AGBL1: variants seen among roughly 807,000 people sequenced by gnomAD.
AGBL1 encodes the protein cytosolic carboxypeptidase 4.
In AGBL1, 130 loss-of-function variants were observed where a neutral mutation model predicts 118.9. The observed-to-expected ratio is 1.09, with a 90% CI of 0.95 to 1.26. The LOEUF (loss-of-function observed/expected upper bound fraction) is 1.26. Among genes scored for constraint, AGBL1 ranks in the 50% most tolerant of loss-of-function variants. The pLI, the probability that AGBL1 is intolerant of heterozygous loss-of-function variation, is 0.00. For missense variants in AGBL1, 1,584 were observed against 1,298.1 expected (o/e 1.22, Z -3.38); for synonymous variants, 555 against 478.9 (o/e 1.16, Z -2.08).
chr15:86,524,599 C>T (rs1567039590), intron 19 of AGBL1, among the ~76,000 whole-genome samples: 3 of 152,168 alleles, frequency 2.0e-5, no homozygotes, highest in Admixed American at 6.5e-5. Flanking sequence ...CTTAGTTACT[C>T]TGTCTCCCAT....
At chr15:86,141,319 A>G (rs1399010639) in intron 1 of AGBL1, among the ~76,000 whole-genome samples, 1 of 152,210 alleles carries the variant, frequency 6.6e-6, no homozygotes, top group Non-Finnish European at 1.5e-5. Context: ...TCTTTTCGTC[A>G]GAACATTTTA....
chr15:86,526,573 T>TATATATATACAC, intron 19 of AGBL1, among the ~76,000 whole-genome samples: 1 of 117,600 alleles, frequency 8.5e-6, no homozygotes, highest in East Asian at 2.5e-4. Context: ...TATATATATA[T>TATATATATACAC]ACACACAGAG....
chr15:86,361,384 A>G (rs1402540437), intron 17 of AGBL1, among the ~76,000 whole-genome samples: 3 of 152,030 alleles, frequency 2.0e-5, no homozygotes, highest in Non-Finnish European at 2.9e-5. Context: ...ATCCTGGAAA[A>G]TGTTCTATGT....
intron 24 of AGBL1, among the ~76,000 whole-genome samples, chr15:87,024,406 C>A (rs2081703031): frequency 6.6e-6 from 1 of 152,016 alleles, no homozygotes. Context: ...TGGAAAGATA[C>A]AACTCTCCTA....
intron 21 of AGBL1, among the ~76,000 whole-genome samples, chr15:86,636,752 TATATATACAC>T (rs1304325667): frequency 2.2e-4 from 13 of 60,398 alleles, no homozygotes; most frequent in African/African-American, 1.3e-3. Context: ...TATATATATA[TATATATACAC>T]ATACATACAG....
chr15:86,799,903 A>T (rs529063454), intron 22 of AGBL1, among the ~76,000 whole-genome samples: 7 of 152,290 alleles, frequency 4.6e-5, no homozygotes, highest in Middle Eastern at 3.4e-3. Context: ...AGATTGGAAA[A>T]TTAAGGCTCC....
intron 22 of AGBL1, among the ~76,000 whole-genome samples, chr15:86,832,072 C>T (rs2079112313): frequency 6.6e-6 from 1 of 152,242 alleles, no homozygotes; most frequent in South Asian, 2.1e-4. Context: ...TATGTCGGCC[C>T]CTTTTAACCA....
At chr15:86,731,134 T>C (rs1033131265) in intron 22 of AGBL1, among the ~76,000 whole-genome samples, 1 of 152,182 alleles carries the variant, frequency 6.6e-6, no homozygotes, top group Non-Finnish European at 1.5e-5. Flanking sequence ...CCCGGCCTTA[T>C]ATATAAACAA....
intron 18 of AGBL1, among the ~76,000 whole-genome samples, chr15:86,513,645 T>C (rs1333564437): frequency 6.6e-6 from 1 of 152,070 alleles, no homozygotes; most frequent in Non-Finnish European, 1.5e-5. Context: ...CTGTGATGTT[T>C]GTCAAATGAT....
chr15:86,895,952 G>C (rs577689435), intron 22 of AGBL1, among the ~76,000 whole-genome samples: 1 of 151,680 alleles, frequency 6.6e-6, no homozygotes, highest in African/African-American at 2.4e-5. Context: ...CTTTCAACTG[G>C]TATCTTTTTA....
intron 23 of AGBL1, among the ~76,000 whole-genome samples, chr15:86,969,151 C>T (rs1320988254): frequency 6.6e-6 from 1 of 151,898 alleles, no homozygotes; most frequent in Non-Finnish European, 1.5e-5. Flanking sequence ...AGCATCAACT[C>T]AAAATTTAAA....
At chr15:86,349,100 A>G (rs2080585375) in intron 17 of AGBL1, among the ~76,000 whole-genome samples, 2 of 152,206 alleles carry the variant, frequency 1.3e-5, no homozygotes, top group Non-Finnish European at 2.9e-5. Flanking sequence ...AAAGCATGCC[A>G]AAGGTTGCCA....
At chr15:86,368,583 A>G (rs2080925937) in intron 17 of AGBL1, among the ~76,000 whole-genome samples, 1 of 152,218 alleles carries the variant, frequency 6.6e-6, no homozygotes, top group South Asian at 2.1e-4. Flanking sequence ...TAAATGGGAT[A>G]AATTTAATCC....
chr15:86,276,002 A>G lies in AGBL1; in HGVS notation c.2076-3637A>G, dbSNP rs184214801. Among the ~76,000 whole-genome samples the G allele has an allele frequency of 2.0e-5, 3 of 152,350 alleles. No homozygotes were observed. In the East Asian group the frequency reaches 5.8e-4, roughly 29 times the overall value. ...AAATAACATGAGATAAAACACGTGT[A>G]AAGGTTAGAACAGTGTCTAGTGCAT... On this transcript the variant is annotated intron_variant, in intron 15 of 22. Coordinates refer to ENST00000614907, the MANE Select transcript of AGBL1 (RefSeq NM_001386094.1).
chr15:86,419,802 A>G (rs1028117100), intron 18 of AGBL1, among the ~76,000 whole-genome samples: 3 of 152,004 alleles, frequency 2.0e-5, no homozygotes, highest in African/African-American at 7.2e-5. Context: ...CATTACTGAG[A>G]CTGGAGTAGG....
At chr15:86,469,927 C>G (rs1484872989) in intron 18 of AGBL1, among the ~76,000 whole-genome samples, 1 of 151,934 alleles carries the variant, frequency 6.6e-6, no homozygotes, top group Non-Finnish European at 1.5e-5. Flanking sequence ...AATCAGGTTA[C>G]TTGTTTCTTG....
intron 21 of AGBL1, among the ~76,000 whole-genome samples, chr15:86,593,330 C>G (rs1000599013): frequency 6.8e-6 from 1 of 148,086 alleles, no homozygotes; most frequent in East Asian, 2.0e-4. Flanking sequence ...AACTTAGAAA[C>G]CAAGATCTGT....
At chr15:86,371,605 ATG>A (rs2141943947) in intron 17 of AGBL1, among the ~76,000 whole-genome samples, 1 of 152,240 alleles carries the variant, frequency 6.6e-6, no homozygotes, top group African/African-American at 2.4e-5. Context: ...CGTCATTATT[ATG>A]TGTGTGTGGA....
intron 17 of AGBL1, among the ~76,000 whole-genome samples, chr15:86,376,642 T>C (rs1218259837): frequency 6.6e-6 from 1 of 152,254 alleles, no homozygotes; most frequent in Non-Finnish European, 1.5e-5. Context: ...CCTATGTGGC[T>C]GACCTGCAGT....
Sources: allele counts gnomAD v4.1 joint callset (sites outside exome capture counted in the v4.1 genomes callset), GRCh38; gene constraint gnomAD v4.1.1; transcripts MANE v1.5; gene names NCBI Gene and HGNC (gene_info 2026-07-23, HGNC 2026-07-21).